GALNT13: variants seen among roughly 807,000 people sequenced by gnomAD.
GALNT13 encodes the protein polypeptide N-acetylgalactosaminyltransferase 13.
A neutral mutation model predicts 64.2 loss-of-function variants in GALNT13; 28 were observed. The ratio of observed to expected loss-of-function variants is 0.44; its 90% CI spans 0.32 to 0.60. The LOEUF (loss-of-function observed/expected upper bound fraction) is 0.60, where lower values mean the gene tolerates loss of function less well. Ranked by LOEUF, GALNT13 falls within the 20% of genes least tolerant of loss-of-function variation. The pLI is 0.05. For synonymous variants in GALNT13, 214 were observed against 224.6 expected, an observed-to-expected ratio of 0.95 and a Z score of 0.42; for missense variants, 577 against 669.8, an observed-to-expected ratio of 0.86 and a Z score of 1.53.
At chr2:153,727,206 A>G in the GALNT13 span, among the ~76,000 whole-genome samples, 9 of 152,200 alleles carry the variant, frequency 5.9e-5, no homozygotes, top group African/African-American at 2.2e-4. Flanking sequence ...CTCACATAAT[A>G]TATTGGTTTT....
chr2:154,430,881 A>T (rs1388134449), intron 11 of GALNT13, among the ~76,000 whole-genome samples: 2 of 152,148 alleles, frequency 1.3e-5, no homozygotes, highest in African/African-American at 4.8e-5. Flanking sequence ...GAAGGCTAGG[A>T]TAATTGTTAG....
intron 11 of GALNT13, among the ~76,000 whole-genome samples, chr2:154,418,393 T>C (rs191002082): frequency 5.9e-5 from 9 of 152,302 alleles, no homozygotes; most frequent in African/African-American, 1.7e-4. Flanking sequence ...TCTTGAGATA[T>C]GGAGATAATC....
chr2:153,725,652 A>G, the GALNT13 span, among the ~76,000 whole-genome samples: 1 of 152,090 alleles, frequency 6.6e-6, no homozygotes, highest in Non-Finnish European at 1.5e-5. Context: ...ATTCTACCCC[A>G]TAGTGTCCAA....
the GALNT13 span, among the ~76,000 whole-genome samples, chr2:153,250,684 T>C: frequency 6.6e-5 from 10 of 152,270 alleles, 2 homozygotes; most frequent in Middle Eastern, 0.01. Flanking sequence ...ATATACACCA[T>C]GAAATATTAT....
At chr2:153,184,673 A>T in the GALNT13 span, among the ~76,000 whole-genome samples, 3 of 152,152 alleles carry the variant, frequency 2.0e-5, no homozygotes, top group African/African-American at 7.2e-5. Context: ...TTTTTTTAAC[A>T]TGAAGGGATG....
chr2:154,003,736 A>G (rs1449474360), intron 3 of GALNT13, among the ~76,000 whole-genome samples: 2 of 152,084 alleles, frequency 1.3e-5, no homozygotes, highest in Non-Finnish European at 2.9e-5. Context: ...ATGGTTTAGC[A>G]ATATCTCTCG....
chr2:154,351,239 A>G (rs1696379144), intron 9 of GALNT13, among the ~76,000 whole-genome samples: 1 of 152,188 alleles, frequency 6.6e-6, no homozygotes, highest in African/African-American at 2.4e-5. Context: ...AAATGGTGTC[A>G]TAAAGCTTGA....
the GALNT13 span, among the ~76,000 whole-genome samples, chr2:153,258,037 G>A: frequency 1.3e-5 from 2 of 152,092 alleles, 1 homozygote; most frequent in Admixed American, 1.3e-4. Context: ...AAGAAGAGAG[G>A]AATTTACCCA....
At chr2:153,334,748 A>T in the GALNT13 span, among the ~76,000 whole-genome samples, 4 of 152,108 alleles carry the variant, frequency 2.6e-5, no homozygotes, top group Admixed American at 1.3e-4. Flanking sequence ...AAATATTTTG[A>T]TTACATATTT....
At chr2:153,398,173 T>G in the GALNT13 span, among the ~76,000 whole-genome samples, 9 of 151,210 alleles carry the variant, frequency 6.0e-5, no homozygotes, top group Non-Finnish European at 1.2e-4. Context: ...ATATACGGTG[T>G]CTGGTTTTTT....
chr2:153,540,129 T>G, the GALNT13 span, among the ~76,000 whole-genome samples: 7 of 152,212 alleles, frequency 4.6e-5, no homozygotes, highest in Non-Finnish European at 8.8e-5. Flanking sequence ...ATAAATCGGT[T>G]CTGTGGGCCT....
the GALNT13 span, among the ~76,000 whole-genome samples, chr2:153,342,758 C>T: frequency 6.6e-6 from 1 of 152,194 alleles, no homozygotes; most frequent in Non-Finnish European, 1.5e-5. Flanking sequence ...GTCTCATCTT[C>T]ATGCTCACCC....
the GALNT13 span, among the ~76,000 whole-genome samples, chr2:153,798,305 T>A: frequency 6.6e-6 from 1 of 152,196 alleles, no homozygotes; most frequent in East Asian, 1.9e-4. Flanking sequence ...TCCAATTAAA[T>A]ATTTGAACAA....
chr2:153,673,765 T>C, the GALNT13 span, among the ~76,000 whole-genome samples: 1 of 152,180 alleles, frequency 6.6e-6, no homozygotes, highest in Non-Finnish European at 1.5e-5. Context: ...GGAAGTCAAA[T>C]TGTCTCTGTT....
At chr2:153,740,450 C>G in the GALNT13 span, among the ~76,000 whole-genome samples, 6 of 152,068 alleles carry the variant, frequency 3.9e-5, no homozygotes, top group Non-Finnish European at 1.5e-5. Flanking sequence ...CTTGAAAATT[C>G]TTACTTTTTC....
At chr2:154,446,296 T>C (rs535418384) in intron 12 of GALNT13, among the ~76,000 whole-genome samples, 1 of 152,186 alleles carries the variant, frequency 6.6e-6, no homozygotes, top group African/African-American at 2.4e-5. Context: ...TATAATCTTT[T>C]ATATCTAAAA....
intron 9 of GALNT13, among the ~76,000 whole-genome samples, chr2:154,380,900 T>C (rs1159459451): frequency 1.3e-5 from 2 of 151,946 alleles, no homozygotes; most frequent in African/African-American, 4.8e-5. Context: ...CTGAAACCTT[T>C]AGTTTCTTGT....
At chr2:153,288,167 T>C in the GALNT13 span, among the ~76,000 whole-genome samples, 10 of 152,212 alleles carry the variant, frequency 6.6e-5, no homozygotes, top group Admixed American at 6.5e-4. Context: ...TGCAAAGATT[T>C]GCTTGTTGCA....
the GALNT13 span, among the ~76,000 whole-genome samples, chr2:153,476,843 C>T: frequency 6.6e-6 from 1 of 152,218 alleles, no homozygotes; most frequent in Non-Finnish European, 1.5e-5. Flanking sequence ...TTAGCAGCTA[C>T]TTTTCCTCGC....
Sources: allele counts gnomAD v4.1 joint callset (sites outside exome capture counted in the v4.1 genomes callset), GRCh38; gene constraint gnomAD v4.1.1; transcripts MANE v1.5; gene names NCBI Gene and HGNC (gene_info 2026-07-23, HGNC 2026-07-21).